Variants in CCSER1 observed in about 807,000 individuals in gnomAD.
CCSER1 encodes the protein serine-rich coiled-coil domain-containing protein 1.
In CCSER1, 41 loss-of-function variants were observed where a neutral mutation model predicts 82.0. That is an observed-to-expected ratio of 0.50 (90% CI 0.39 to 0.65). The LOEUF (loss-of-function observed/expected upper bound fraction) is 0.65. CCSER1 is among the 30% of genes least tolerant of loss of function. CCSER1 has a pLI of 0.00. For missense variants in CCSER1, 1,119 were observed against 1,064.2 expected (o/e 1.05, Z -0.72); for synonymous variants, 414 against 383.9 (o/e 1.08, Z -0.92).
chr4:91,204,158 A>G (rs1301535722), intron 10 of CCSER1, among the ~76,000 whole-genome samples: 1 of 151,854 alleles, frequency 6.6e-6, no homozygotes, highest in Non-Finnish European at 1.5e-5. Flanking sequence ...TTGTTTTTAT[A>G]AAGCTTAGGA....
intron 10 of CCSER1, among the ~76,000 whole-genome samples, chr4:91,454,232 G>GA (rs1225831256): frequency 6.6e-6 from 1 of 151,986 alleles, no homozygotes; most frequent in Non-Finnish European, 1.5e-5. Flanking sequence ...TTTCATTGGG[G>GA]AAAAATCAGT....
chr4:90,388,585 C>T (rs1750458165), intron 3 of CCSER1, among the ~76,000 whole-genome samples: 1 of 151,600 alleles, frequency 6.6e-6, no homozygotes. Flanking sequence ...GCTGGAATTA[C>T]AGGCGTGAGC....
intron 10 of CCSER1, among the ~76,000 whole-genome samples, chr4:91,402,609 A>T (rs1401737592): frequency 1.3e-5 from 2 of 152,230 alleles, no homozygotes; most frequent in African/African-American, 4.8e-5. Context: ...AGCTTTCTAC[A>T]TATGGCTAGC....
intron 3 of CCSER1, among the ~76,000 whole-genome samples, chr4:90,330,768 C>G (rs891702371): frequency 2.0e-5 from 3 of 152,136 alleles, no homozygotes; most frequent in African/African-American, 7.2e-5. Flanking sequence ...AGGGAACTTA[C>G]TATTACGCTG....
At chr4:90,199,499 A>G (rs779091778) in intron 1 of CCSER1, among the ~76,000 whole-genome samples, 1 of 152,180 alleles carries the variant, frequency 6.6e-6, no homozygotes, top group Non-Finnish European at 1.5e-5. Flanking sequence ...AACATGAAAC[A>G]ATTTTTCCAA....
intron 10 of CCSER1, among the ~76,000 whole-genome samples, chr4:91,112,251 C>G (rs1325075072): frequency 6.6e-6 from 1 of 152,026 alleles, no homozygotes; most frequent in Non-Finnish European, 1.5e-5. Flanking sequence ...ATGACGTTTC[C>G]TAAAGATCTT....
At chr4:91,163,147 G>GT (rs1731626574) in intron 10 of CCSER1, among the ~76,000 whole-genome samples, 1 of 152,132 alleles carries the variant, frequency 6.6e-6, no homozygotes, top group South Asian at 2.1e-4. Context: ...GTTCTCATTG[G>GT]TTTCAAAGAA....
chr4:90,705,613 G>T (rs1739180346), intron 6 of CCSER1, among the ~76,000 whole-genome samples: 1 of 152,174 alleles, frequency 6.6e-6, no homozygotes, highest in Non-Finnish European at 1.5e-5. Flanking sequence ...AGCTGTGGTG[G>T]TCTCCACCCA....
intron 3 of CCSER1, among the ~76,000 whole-genome samples, chr4:90,360,611 A>G (rs1745222153): frequency 6.8e-6 from 1 of 146,366 alleles, no homozygotes; most frequent in Non-Finnish European, 1.5e-5. Context: ...AAGCTTCCAC[A>G]TGGGATGCGT....
intron 9 of CCSER1, among the ~76,000 whole-genome samples, chr4:90,963,643 A>G (rs904359751): frequency 6.6e-6 from 1 of 152,086 alleles, no homozygotes; most frequent in Non-Finnish European, 1.5e-5. Flanking sequence ...GAAGGCAGCC[A>G]TCTGCATCCA....
At chr4:90,810,537 T>C (rs1370789988) in intron 7 of CCSER1, among the ~76,000 whole-genome samples, 1 of 151,872 alleles carries the variant, frequency 6.6e-6, no homozygotes, top group African/African-American at 2.4e-5. Flanking sequence ...TAATCCCAGC[T>C]ACTCGGGAGG....
chr4:90,724,844 G>A (rs1224415839), intron 7 of CCSER1, among the ~76,000 whole-genome samples: 2 of 151,712 alleles, frequency 1.3e-5, no homozygotes, highest in African/African-American at 2.4e-5. Flanking sequence ...TATAAGGAAT[G>A]TATCTTATTC....
chr4:90,876,070 T>G (rs1307462413), intron 8 of CCSER1, among the ~76,000 whole-genome samples: 1 of 152,102 alleles, frequency 6.6e-6, no homozygotes, highest in Non-Finnish European at 1.5e-5. Flanking sequence ...ACTTAAAACT[T>G]CATTAAATCT....
chr4:91,476,287 C>A (rs1286074167), intron 10 of CCSER1, among the ~76,000 whole-genome samples: 1 of 151,768 alleles, frequency 6.6e-6, no homozygotes, highest in Non-Finnish European at 1.5e-5. Context: ...TTCTCCACAT[C>A]CTTGCAAGCA....
At chr4:91,481,868 C>A (rs1757933509) in intron 10 of CCSER1, among the ~76,000 whole-genome samples, 2 of 152,214 alleles carry the variant, frequency 1.3e-5, no homozygotes, top group South Asian at 4.1e-4. Flanking sequence ...TTTTTGCAAT[C>A]TACTCATCTG....
chr4:90,654,524 G>A (rs1729355535), intron 6 of CCSER1, among the ~76,000 whole-genome samples: 1 of 151,850 alleles, frequency 6.6e-6, no homozygotes, highest in Non-Finnish European at 1.5e-5. Context: ...CATTCTAAAT[G>A]TACATTGCTC....
Position 91,234,485 on chromosome 4 carries a change from C to T in CCSER1, c.2217+148491C>T, listed in dbSNP as rs375117747. Among the ~76,000 whole-genome samples the T allele has an allele frequency of 9.9e-5, 15 of 152,114 alleles. No homozygotes were observed. In the East Asian group the frequency reaches 2.9e-3, roughly 29 times the overall value. ...CCCAGAGGAAAGATTGTAGAATGAC[C>T]TAAAAGCCAGAAATATTTATATTTT... is the stretch of plus-strand genomic sequence containing the variant. On this transcript the variant is annotated intron_variant, in intron 10 of 10. Transcript: ENST00000509176.
intron 4 of CCSER1, among the ~76,000 whole-genome samples, chr4:90,456,224 C>G (rs551464737): frequency 8.5e-5 from 13 of 152,154 alleles, no homozygotes; most frequent in Non-Finnish European, 1.8e-4. Flanking sequence ...GTTCCTTCAA[C>G]AGGGGAAAGA....
At chr4:91,002,642 C>A (rs967139826) in intron 9 of CCSER1, among the ~76,000 whole-genome samples, 4 of 150,738 alleles carry the variant, frequency 2.7e-5, no homozygotes, top group African/African-American at 9.8e-5. Flanking sequence ...AATATTTTTC[C>A]CTTCGCTTCT....
Sources: gnomAD v4.1 joint callset for allele counts (sites outside exome capture counted in the v4.1 genomes callset) on GRCh38, gnomAD v4.1.1 for gene constraint, MANE v1.5 for transcripts, NCBI Gene and HGNC (gene_info 2026-07-23, HGNC 2026-07-21) for gene names.